GPNMB: variants seen among roughly 807,000 people sequenced by gnomAD.
The protein encoded by GPNMB is glycoprotein nmb, also known as transmembrane glycoprotein NMB.
GPNMB carries 71 observed loss-of-function variants against 57.3 expected under a neutral mutation model. That is an observed-to-expected ratio of 1.24 (90% CI 1.02 to 1.51). The LOEUF (loss-of-function observed/expected upper bound fraction) is 1.51. Among genes scored for constraint, GPNMB ranks in the 40% most tolerant of loss-of-function variants. GPNMB has a pLI of 0.00. For synonymous variants in GPNMB, 253 were observed against 263.2 expected (o/e 0.96, Z 0.38); for missense variants, 677 against 691.9 (o/e 0.98, Z 0.24).
intron 1 of GPNMB, among the ~76,000 whole-genome samples, chr7:23,252,422 T>A (rs1269900250): frequency 6.6e-6 from 1 of 152,216 alleles, no homozygotes; most frequent in Admixed American, 6.5e-5. Context: ...GAACATTTTT[T>A]AAAGTAAAAG....
chr7:23,261,687 G>A (rs1741851505), intron 6 of GPNMB, among the ~76,000 whole-genome samples: 1 of 152,014 alleles, frequency 6.6e-6, no homozygotes, highest in Non-Finnish European at 1.5e-5. Context: ...TGTAAATGAC[G>A]AGTTAATGGG....
chr7:23,247,901 G>A lies in GPNMB; in HGVS notation c.70+974G>A, dbSNP rs576546733. ...CAGTGCGCCGCGCGTCCTCCTAGCA[G>A]CCCGCGGAGCCCGGCACTGTGATGG... On this transcript the variant is annotated intron_variant, in intron 1 of 10. Transcript: ENST00000258733. The A allele has an allele frequency of 3.3e-5, 5 of 152,494 alleles. No individual in the cohort carries two copies. The East Asian group carries it at 7.7e-4, about 24-fold the overall frequency. 9.4% of individuals were successfully genotyped at this position (152,494 alleles called of 1,614,324 possible). A position where few individuals can be genotyped will look rare whatever the true frequency, so the allele number is the denominator to read the frequency against.
chr7:23,267,980 C>T lies in GPNMB; in HGVS notation c.1212C>T (p.Cys404=). The T allele has an allele frequency of 7.5e-6, 12 of 1,602,918 alleles. No individual in the cohort carries two copies. Among genetic ancestry groups the T allele is most frequent in the Non-Finnish European group, 8.5e-6 (10 of 1,172,068 alleles). Residue 404 remains cysteine (C), a synonymous_variant, in exon 8 of 11, where the codon TGC becomes TGT. Transcript: ENST00000258733. ...CCCTAATAGACTTTGTCGTGACCTG[C>T]CAAGGGAGGTGAGTATATTATCTCC... is the stretch of plus-strand genomic sequence containing the variant. ...ESSLIDFVVT[C]QGSIPTEVCT...
At position 23,274,090 on chromosome 7, in the gene GPNMB, G is replaced by T. The variant is rs1461508427; in HGVS notation, c.1549G>T (p.Glu517Ter). Residue 517 changes from glutamate to a stop codon, truncating the protein, a stop_gained, in exon 11 of 11, where the codon GAA becomes TAA. Transcript: ENST00000258733. LOFTEE classifies it low-confidence loss of function (END_TRUNC). Reference protein sequence around the residue: ...YKKHKEYNPIENSPGNVVRSK... With the variant: ...YKKHKEYNPI ...AAAACACAAGGAATACAACCCAATA[G>T]AAAATAGTCCTGGGAATGTGGTCAG... The T allele has an allele frequency of 1.2e-6, 2 of 1,612,546 alleles. No individual in the cohort carries two copies. The highest frequency in any genetic ancestry group is 2.2e-5 in the East Asian group (1 of 44,836).
chr7:23,253,377 G>C lies in GPNMB; in HGVS notation c.141G>C (p.Trp47Cys), dbSNP rs771726642. ...GGGAGCACAATCAATTAAATGGCTGGTCTTCTGATGAAAATGACTGGAATG... is the reference window on the plus strand; with the variant it reads ...GGGAGCACAATCAATTAAATGGCTGCTCTTCTGATGAAAATGACTGGAATG... The part of the protein sequence containing the change: ...YMREHNQLNG[W>C]SSDENDWNEK... Residue 47 changes from tryptophan (W) to cysteine (C), a missense_variant, in exon 2 of 11, where the codon TGG becomes TGC. Physicochemically the swap from Trp to Cys is radical, Grantham distance 215. Coordinates refer to ENST00000258733, the MANE Select transcript of GPNMB (RefSeq NM_002510.3). The C allele has an allele frequency of 2.0e-5, 33 of 1,613,728 alleles. No individual in the cohort carries two copies. Among genetic ancestry groups the C allele is most frequent in the South Asian group, 1.5e-4 (14 of 91,080 alleles).
chr7:23,273,706 CT>C, intron 10 of GPNMB, 92 bp downstream of exon 10: 1 of 854,474 alleles, frequency 1.2e-6, no homozygotes, highest in Non-Finnish European at 1.9e-6. Context: ...CCCTTTTTTG[CT>C]TTTAAACATT....
rs774966224 is a variant in GPNMB, at chr7:23,246,828, C to T, written c.-30C>T. The T allele has an allele frequency of 1.9e-6, 3 of 1,565,732 alleles. No individual in the cohort carries two copies. Among genetic ancestry groups the T allele is most frequent in the Non-Finnish European group, 1.8e-6 (2 of 1,135,844 alleles). Reference sequence around the variant, plus strand: ...GGCCCAGAGGAATTCAGAGTTAAACCTTGAGTGCCTGCGTCCGTGAGAATT... The same window carrying T: ...GGCCCAGAGGAATTCAGAGTTAAACTTTGAGTGCCTGCGTCCGTGAGAATT... On this transcript the variant is annotated 5_prime_UTR_variant, in exon 1 of 11. Coordinates refer to ENST00000258733, the MANE Select transcript of GPNMB (RefSeq NM_002510.3).
chr7:23,256,495 A>T (rs1296789958), intron 3 of GPNMB, among the ~76,000 whole-genome samples: 2 of 152,168 alleles, frequency 1.3e-5, no homozygotes, highest in African/African-American at 4.8e-5. Flanking sequence ...TGTGTGCCGG[A>T]GTCTTTATGA....
At position 23,274,270 on chromosome 7, in the gene GPNMB, G is replaced by A; in HGVS notation, c.*46G>A. ...GCTCACTTTTCAGTGCCATTGATGT[G>A]AGATGTGCTGGAGTGGCTATTAACC... On this transcript the variant is annotated 3_prime_UTR_variant, in exon 11 of 11. Coordinates refer to ENST00000258733, the MANE Select transcript of GPNMB (RefSeq NM_002510.3). The A allele has an allele frequency of 7.0e-7, 1 of 1,429,626 alleles. No homozygotes were observed. Among genetic ancestry groups the A allele is most frequent in the South Asian group, 1.2e-5 (1 of 86,152 alleles). The allele number at this position is 1,429,626 out of a possible 1,614,324, so 88.6% of individuals were successfully genotyped here.
chr7:23,260,911 T>G, intron 6 of GPNMB, 138 bp downstream of exon 6: 1 of 625,792 alleles, frequency 1.6e-6, no homozygotes, highest in Non-Finnish European at 2.5e-6. Context: ...TGTTGATTTT[T>G]TAAAGCAAAG....
intron 9 of GPNMB, among the ~76,000 whole-genome samples, chr7:23,272,760 C>G (rs558237224): frequency 6.6e-6 from 1 of 152,052 alleles, no homozygotes; most frequent in Admixed American, 6.5e-5. Context: ...AGATACAGTT[C>G]TAGATCGAGT....
chr7:23,248,184 A>G (rs963742060), intron 1 of GPNMB, among the ~76,000 whole-genome samples: 2 of 152,156 alleles, frequency 1.3e-5, no homozygotes, highest in African/African-American at 4.8e-5. Flanking sequence ...TTCTTGTGAG[A>G]TCAGCTGCTT....
Position 23,264,263 on chromosome 7 carries a change from C to A in GPNMB, c.1019-2254C>A, listed in dbSNP as rs1197764500. ...ATACCAAATTAAGGATGAAGTTGAC[C>A]TTCTTTCTCATCTGTCTTTTAAGGT... On this transcript the variant is annotated intron_variant, in intron 6 of 10. Coordinates refer to ENST00000258733, the MANE Select transcript of GPNMB (RefSeq NM_002510.3). Among the ~76,000 whole-genome samples the A allele has an allele frequency of 2.0e-5, 3 of 152,280 alleles. No individual in the cohort carries two copies. The East Asian group carries it at 5.8e-4, about 29-fold the overall frequency.
chr7:23,256,980 T>C lies in GPNMB; in HGVS notation c.456T>C (p.His152=). The C allele has an allele frequency of 6.2e-7, 1 of 1,614,128 alleles. No individual in the cohort carries two copies. Among genetic ancestry groups the C allele is most frequent in the Non-Finnish European group, 8.5e-7 (1 of 1,179,924 alleles). ...GGGAAAATGGCACCGGCCAAAGCCA[T>C]CATAACGTCTTCCCTGATGGGAAAC... ...SDGENGTGQS[H]HNVFPDGKPF... is the part of the protein sequence containing the mutation. Residue 152 remains histidine, a synonymous_variant, in exon 4 of 11, where the codon CAT becomes CAC. Transcript: ENST00000258733.
intron 3 of GPNMB, 84 bp downstream of exon 3, chr7:23,254,396 G>A (rs1782730519): frequency 1.8e-6 from 2 of 1,109,610 alleles, no homozygotes; most frequent in African/African-American, 1.5e-5. Context: ...AGTGCCAGAT[G>A]CTGATCTCAT....
In GPNMB at chr7:23,253,364, A is replaced by C; in HGVS notation, c.128A>C (p.Gln43Pro). The C allele has an allele frequency of 6.2e-7, 1 of 1,613,736 alleles. No individual in the cohort carries two copies. Among genetic ancestry groups the C allele is most frequent in the Non-Finnish European group, 8.5e-7 (1 of 1,179,586 alleles). Residue 43 changes from glutamine to proline, a missense_variant, in exon 2 of 11, where the codon CAA becomes CCA. Gln to Pro is a moderately conservative substitution (Grantham distance 76). Coordinates refer to ENST00000258733, the MANE Select transcript of GPNMB (RefSeq NM_002510.3). ...RPSAYMREHNQLNGWSSDEND... is the reference protein window; with the variant it reads ...RPSAYMREHNPLNGWSSDEND... Reference sequence around the variant, plus strand: ...TCTGCTTACATGAGGGAGCACAATCAATTAAATGGCTGGTCTTCTGATGAA... The same window carrying C: ...TCTGCTTACATGAGGGAGCACAATCCATTAAATGGCTGGTCTTCTGATGAA...
In GPNMB at chr7:23,274,159, T is replaced by C. The variant is rs751511109; in HGVS notation, c.1618T>C (p.Phe540Leu). 6.2e-6 allele frequency: 10 copies of C among 1,614,004 alleles called. No individual in the cohort carries two copies. The Admixed American group carries it at 1.7e-4, about 27-fold the overall frequency. Reference protein sequence around the residue: ...SVFLNRAKAVFFPGNQEKDPL... With the variant: ...SVFLNRAKAVLFPGNQEKDPL... ...CTTTCTCAACCGTGCAAAAGCCGTG[T>C]TCTTCCCGGGAAACCAGGAAAAGGA... Residue 540 changes from phenylalanine (F) to leucine (L), a missense_variant, in exon 11 of 11, where the codon TTC (phenylalanine) becomes CTC (leucine). By Grantham distance (22) the Phe-to-Leu change is conservative. Coordinates refer to ENST00000258733, the MANE Select transcript of GPNMB (RefSeq NM_002510.3).
At chr7:23,259,828 C>A in intron 4 of GPNMB, 152 bp from the exon 5 acceptor site, 1 of 618,424 alleles carries the variant, frequency 1.6e-6, no homozygotes, top group South Asian at 2.1e-5. Flanking sequence ...TTAAAATGAG[C>A]ACCATCTCCC....
At chr7:23,262,608 C>CATT (rs1782951699) in intron 6 of GPNMB, among the ~76,000 whole-genome samples, 1 of 62,800 alleles carries the variant, frequency 1.6e-5, no homozygotes, top group Non-Finnish European at 2.8e-5. Context: ...TCACCATTCT[C>CATT]TTTTTTTTTT....
Sources: gnomAD v4.1 joint callset for allele counts (sites outside exome capture counted in the v4.1 genomes callset) on GRCh38, gnomAD v4.1.1 for gene constraint, MANE v1.5 for transcripts, NCBI Gene and HGNC (gene_info 2026-07-23, HGNC 2026-07-21) for gene names.